Variants in MAGI2 observed in about 807,000 individuals in gnomAD.
The protein encoded by MAGI2 is membrane associated guanylate kinase, WW and PDZ domain containing 2, also known as membrane-associated guanylate kinase, WW and PDZ domain-containing protein 2.
Under a neutral mutation model 133.3 loss-of-function variants are expected in MAGI2, and 35 were observed. The ratio of observed to expected loss-of-function variants is 0.26; its 90% CI spans 0.20 to 0.35. MAGI2 has a LOEUF of 0.35. MAGI2 is among the 10% of genes least tolerant of loss of function. MAGI2 has a pLI of 1.00. For synonymous variants in MAGI2, 729 were observed against 710.6 expected (o/e 1.03, Z -0.41); for missense variants, 1,636 against 1,863.4 (o/e 0.88, Z 2.25).
At chr7:78,116,044 A>G (rs1819839027) in intron 20 of MAGI2, among the ~76,000 whole-genome samples, 1 of 152,274 alleles carries the variant, frequency 6.6e-6, no homozygotes, top group Non-Finnish European at 1.5e-5. Flanking sequence ...CATGGATCAT[A>G]TATAAAAAAT....
rs980843395 is a variant in MAGI2 at position 78,499,028 on chromosome 7, T to C, written c.965+2549A>G. ...TGTCCACCAGTCCTTCCCTCCAACATTAGGAAGATTAAAAAACTACAAACT... is the reference window on the plus strand; with the variant it reads ...TGTCCACCAGTCCTTCCCTCCAACACTAGGAAGATTAAAAAACTACAAACT... On this transcript the variant is annotated intron_variant, in intron 5 of 21. Transcript: ENST00000354212. Among the ~76,000 whole-genome samples the C allele has an allele frequency of 2.0e-5, 3 of 147,002 alleles. No individual in the cohort carries two copies. The Admixed American group carries it at 2.1e-4, about 10-fold the overall frequency.
At chr7:78,965,548 T>C (rs984424544) in intron 2 of MAGI2, among the ~76,000 whole-genome samples, 5 of 151,366 alleles carry the variant, frequency 3.3e-5, no homozygotes, top group Non-Finnish European at 4.4e-5. Flanking sequence ...AGCCTAGAGA[T>C]TTTTTTTTCA....
intron 3 of MAGI2, among the ~76,000 whole-genome samples, chr7:78,620,464 A>G (rs376581467): frequency 5.4e-4 from 82 of 152,150 alleles, no homozygotes; most frequent in South Asian, 5.2e-3. Context: ...TTTGTATTTA[A>G]TACTTAAATT....
chr7:79,414,649 C>T (rs1480590095), intron 1 of MAGI2: 1 of 152,122 alleles, frequency 6.6e-6, no homozygotes, highest in Non-Finnish European at 1.5e-5. Flanking sequence ...GTACAAAAAA[C>T]TCTATCTCCT....
chr7:78,387,114 C>G (rs892854224), intron 6 of MAGI2, among the ~76,000 whole-genome samples: 1 of 152,182 alleles, frequency 6.6e-6, no homozygotes, highest in East Asian at 1.9e-4. Flanking sequence ...TAAATTCATA[C>G]TTCCTTGGGT....
At chr7:78,331,633 T>C (rs1789208442) in intron 9 of MAGI2, among the ~76,000 whole-genome samples, 1 of 152,208 alleles carries the variant, frequency 6.6e-6, no homozygotes, top group South Asian at 2.1e-4. Flanking sequence ...AAAAAGATGA[T>C]GTTAACCCCA....
chr7:79,206,279 A>G (rs1308132901), intron 1 of MAGI2, among the ~76,000 whole-genome samples: 1 of 151,746 alleles, frequency 6.6e-6, no homozygotes, highest in Non-Finnish European at 1.5e-5. Flanking sequence ...TAGAAAAATT[A>G]ATAAAACTGA....
intron 1 of MAGI2, among the ~76,000 whole-genome samples, chr7:79,039,291 AGCTAT>A (rs1379284263): frequency 6.6e-5 from 10 of 152,182 alleles, no homozygotes; most frequent in African/African-American, 9.7e-5. Flanking sequence ...AGGTGTCCCC[AGCTAT>A]GCAGAATTGT....
intron 1 of MAGI2, among the ~76,000 whole-genome samples, chr7:79,435,620 T>TA (rs11424760): frequency 0.79 from 120,679 of 152,022 alleles, 48,024 homozygotes; most frequent in African/African-American, 0.84. Flanking sequence ...AAGGTACCTA[T>TA]AAAAAGTTTT....
At chr7:78,404,131 AAGG>A (rs762434525) in intron 6 of MAGI2, among the ~76,000 whole-genome samples, 34 of 152,272 alleles carry the variant, frequency 2.2e-4, no homozygotes, top group Non-Finnish European at 4.0e-4. Flanking sequence ...GGACCTCTTC[AAGG>A]AGAACTGCAA....
intron 7 of MAGI2, among the ~76,000 whole-genome samples, chr7:78,348,164 A>G (rs1423460015): frequency 6.6e-6 from 1 of 152,130 alleles, no homozygotes; most frequent in African/African-American, 2.4e-5. Flanking sequence ...CCTCTATCAG[A>G]CCTCTTATCT....
chr7:78,023,959 T>C (rs1448635890), intron 21 of MAGI2, among the ~76,000 whole-genome samples: 1 of 152,240 alleles, frequency 6.6e-6, no homozygotes, highest in African/African-American at 2.4e-5. Flanking sequence ...TGATTTAAAG[T>C]ATTTGGGAGG....
intron 10 of MAGI2, among the ~76,000 whole-genome samples, chr7:78,220,192 C>A (rs1160127779): frequency 6.6e-6 from 1 of 152,196 alleles, no homozygotes; most frequent in East Asian, 1.9e-4. Context: ...CTTTGCCCTG[C>A]TGGGCCCATT....
chr7:78,857,056 C>G (rs1035616876), intron 2 of MAGI2, among the ~76,000 whole-genome samples: 4 of 152,136 alleles, frequency 2.6e-5, no homozygotes, highest in African/African-American at 9.7e-5. Context: ...CTCTGTTTGT[C>G]TGTTATTGGT....
chr7:78,965,103 T>C (rs539359673), intron 2 of MAGI2, among the ~76,000 whole-genome samples: 1 of 151,556 alleles, frequency 6.6e-6, no homozygotes, highest in African/African-American at 2.4e-5. Context: ...TATAAATTAT[T>C]ACTTTGTATT....
intron 6 of MAGI2, among the ~76,000 whole-genome samples, chr7:78,413,122 G>A (rs1366986284): frequency 1.3e-5 from 2 of 151,958 alleles, no homozygotes; most frequent in Non-Finnish European, 2.9e-5. Context: ...TTCTTCTTTG[G>A]GTCTTAGTTC....
intron 6 of MAGI2, among the ~76,000 whole-genome samples, chr7:78,467,543 T>C (rs1790758717): frequency 6.6e-6 from 1 of 151,746 alleles, no homozygotes; most frequent in African/African-American, 2.4e-5. Context: ...TCCAACAATA[T>C]ACTTAGAGGG....
At chr7:78,255,884 A>C in intron 10 of MAGI2, 59 bp downstream of exon 10, 1 of 1,492,976 alleles carries the variant, frequency 6.7e-7, no homozygotes, top group Non-Finnish European at 9.2e-7. Context: ...TAACAATATT[A>C]TTAAATGATC....
rs115426698 is a variant in MAGI2, at chr7:78,572,124, G to A, written c.539-50479C>T. Among the ~76,000 whole-genome samples the A allele has an allele frequency of 8.0e-3, 1,211 of 152,160 alleles. 11 individuals carry two copies. Among genetic ancestry groups the A allele is most frequent in the African/African-American group, 0.024 (995 of 41,492 alleles). ...AAATAAGAGGCAATAGCAAATCATC[G>A]ATGGGGAAAATAAATGTCTTTATTT... On this transcript the variant is annotated intron_variant, in intron 3 of 21. Coordinates refer to ENST00000354212, the MANE Select transcript of MAGI2 (RefSeq NM_012301.4).
Sources: allele counts gnomAD v4.1 joint callset (sites outside exome capture counted in the v4.1 genomes callset), GRCh38; gene constraint gnomAD v4.1.1; transcripts MANE v1.5; gene names NCBI Gene and HGNC (gene_info 2026-07-23, HGNC 2026-07-21).